TRPS1: variants seen among roughly 807,000 people sequenced by gnomAD.
TRPS1 encodes the protein transcriptional repressor GATA binding 1.
A neutral mutation model predicts 101.2 loss-of-function variants in TRPS1; 6 were observed. The observed-to-expected ratio is 0.06, with a 90% CI of 0.03 to 0.12. The LOEUF is 0.12. Among genes scored for constraint, TRPS1 ranks in the 10% least tolerant of loss-of-function variants. The pLI is 1.00. For synonymous variants in TRPS1, 578 were observed against 589.8 expected, an observed-to-expected ratio of 0.98 and a Z score of 0.29; for missense variants, 1,363 against 1,567.0, an observed-to-expected ratio of 0.87 and a Z score of 2.20.
intron 5 of TRPS1, among the ~76,000 whole-genome samples, chr8:115,478,975 A>G (rs1399613530): frequency 6.7e-6 from 1 of 149,516 alleles, no homozygotes; most frequent in African/African-American, 2.4e-5. Flanking sequence ...GTATATATGT[A>G]TATATATGTA....
chr8:115,572,296 T>C (rs1349933174), intron 5 of TRPS1, among the ~76,000 whole-genome samples: 1 of 152,170 alleles, frequency 6.6e-6, no homozygotes, highest in Admixed American at 6.5e-5. Flanking sequence ...AACTTCTGCT[T>C]AGATTCTCTG....
intron 1 of TRPS1, among the ~76,000 whole-genome samples, chr8:115,666,551 A>T (rs1811926194): frequency 6.6e-6 from 1 of 152,158 alleles, no homozygotes; most frequent in African/African-American, 2.4e-5. Context: ...TTTCATTCTC[A>T]TTTTGTCCAC....
At chr8:115,535,227 T>TGTATAGC (rs1554583773) in intron 5 of TRPS1, among the ~76,000 whole-genome samples, 8 of 118,832 alleles carry the variant, frequency 6.7e-5, no homozygotes, top group African/African-American at 9.6e-5. Flanking sequence ...ATATAGCATA[T>TGTATAGC]ATATATAGCA....
chr8:115,626,667 C>T (rs1436381915), intron 1 of TRPS1, among the ~76,000 whole-genome samples: 1 of 151,726 alleles, frequency 6.6e-6, no homozygotes, highest in East Asian at 1.9e-4. Flanking sequence ...CTTATTAATT[C>T]ACATCAAACT....
chr8:115,600,154 C>T (rs920563778), intron 4 of TRPS1, among the ~76,000 whole-genome samples: 3 of 152,118 alleles, frequency 2.0e-5, no homozygotes, highest in African/African-American at 7.2e-5. Flanking sequence ...AGTGCCTGTT[C>T]ATATAGTCTC....
chr8:115,588,915 C>G (rs968442666), intron 4 of TRPS1, among the ~76,000 whole-genome samples: 2 of 152,152 alleles, frequency 1.3e-5, no homozygotes, highest in Admixed American at 6.5e-5. Context: ...CTTAGAGTCT[C>G]GTCAGGAATG....
rs377537854 is a variant in TRPS1 at position 115,623,202 on chromosome 8, G to T, written c.37+399C>A. Reference sequence around the variant, plus strand: ...AATAGAGCCCTTAATAATATACATTGCAAAGACTGTTAAACTGCTAAAACT... The same window carrying T: ...AATAGAGCCCTTAATAATATACATTTCAAAGACTGTTAAACTGCTAAAACT... On this transcript the variant is annotated intron_variant, in intron 2 of 6. Coordinates refer to ENST00000395715, the MANE Select transcript of TRPS1 (RefSeq NM_014112.5). 2.0e-3 allele frequency among the ~76,000 whole-genome samples: 310 copies of T among 152,030 alleles called. 2 individuals carry two copies. The highest frequency in any genetic ancestry group is 7.3e-3 in the African/African-American group (303 of 41,470).
chr8:115,491,314 T>C (rs1815016227), intron 5 of TRPS1, among the ~76,000 whole-genome samples: 1 of 152,206 alleles, frequency 6.6e-6, no homozygotes, highest in African/African-American at 2.4e-5. Flanking sequence ...TTACATGGGA[T>C]TTAAATTCCA....
chr8:115,612,138 G>A (rs1818183180), intron 3 of TRPS1, among the ~76,000 whole-genome samples: 1 of 91,936 alleles, frequency 1.1e-5, no homozygotes, highest in South Asian at 4.7e-4. Flanking sequence ...AAAGAAGGAG[G>A]ACAGAAGAAA....
Position 115,603,910 on chromosome 8 carries a change from T to A in TRPS1, c.2059A>T (p.Ile687Phe). 6.2e-7 allele frequency: 1 copy of A among 1,614,036 alleles called. No individual in the cohort carries two copies. Among genetic ancestry groups the A allele is most frequent in the South Asian group, 1.1e-5 (1 of 91,086 alleles). The change falls in exon 4 of 7, where the codon ATT becomes TTT. Residue 687 changes from isoleucine to phenylalanine, a missense_variant. Transcript: ENST00000395715. Reference protein sequence around the residue: ...KEHSCTKCDFITQVEEEISRH... With the variant: ...KEHSCTKCDFFTQVEEEISRH... ...GAAATCTCTTCTTCCACTTGGGTAA[T>A]AAAATCACATTTGGTACATGAGTGT...
chr8:115,446,657 T>C (rs1468114750), intron 5 of TRPS1, among the ~76,000 whole-genome samples: 5 of 152,196 alleles, frequency 3.3e-5, no homozygotes, highest in South Asian at 2.1e-4. Context: ...CTACCATGCA[T>C]TCTCGCTCTA....
At chr8:115,578,748 T>G (rs1355815883) in intron 5 of TRPS1, among the ~76,000 whole-genome samples, 1 of 152,144 alleles carries the variant, frequency 6.6e-6, no homozygotes, top group African/African-American at 2.4e-5. Flanking sequence ...ATTTACAGGT[T>G]GGAATTTATG....
chr8:115,465,174 G>A (rs945618344), intron 5 of TRPS1, among the ~76,000 whole-genome samples: 4 of 152,020 alleles, frequency 2.6e-5, no homozygotes, highest in African/African-American at 7.2e-5. Flanking sequence ...GAACACAAAC[G>A]GAAAATTAAA....
intron 5 of TRPS1, among the ~76,000 whole-genome samples, chr8:115,451,491 A>G (rs1439777815): frequency 6.6e-6 from 1 of 152,162 alleles, no homozygotes. Context: ...AAAGAAACAG[A>G]CTGCAAAAAA....
chr8:115,575,612 T>A (rs1454343892), intron 5 of TRPS1, among the ~76,000 whole-genome samples: 1 of 152,060 alleles, frequency 6.6e-6, no homozygotes, highest in Admixed American at 6.6e-5. Context: ...CCAATTTGTT[T>A]CTCCACTTAA....
chr8:115,409,376 TC>T lies in TRPS1; in HGVS notation c.*4646del, dbSNP rs1472085546. On this transcript the variant is annotated 3_prime_UTR_variant, in exon 7 of 7. Coordinates refer to ENST00000395715, the MANE Select transcript of TRPS1 (RefSeq NM_014112.5). ...AACATTATTTCCACGGTAAAGTTAT[TC>T]CTGCTTTTCTCCGGTGTAGGACAGA... 6.6e-6 allele frequency: 1 copy of T among 151,702 alleles called. No homozygotes were observed. Among genetic ancestry groups the T allele is most frequent in the Admixed American group, 6.6e-5 (1 of 15,192 alleles). 9.4% of individuals were successfully genotyped at this position (151,702 alleles called of 1,614,324 possible). A position where few individuals can be genotyped will look rare whatever the true frequency, so the allele number is the denominator to read the frequency against.
rs759871730 is a variant in TRPS1, at chr8:115,587,090, C to A, written c.2611G>T (p.Ala871Ser). 2.5e-6 allele frequency: 4 copies of A among 1,614,028 alleles called. No individual in the cohort carries two copies. The African/African-American group carries it at 5.3e-5, about 22-fold the overall frequency. Residue 871 changes from alanine to serine, a missense_variant, in exon 5 of 7, where the codon GCT (alanine) becomes TCT (serine). Physicochemically the swap from Ala to Ser is moderately conservative, Grantham distance 99 (BLOSUM62 1). This residue lies in a region of TRPS1 where 1,020 missense variants were observed against 1,073.0 expected (regional missense o/e 0.95). Transcript: ENST00000395715. ...AGGGCCCCAGACTTCTCTCCGCCAG[C>A]TGGCGCCCCCTGCAGGAATCCCTTG... ...ETKGFLQGAP[A>S]GGEKSGALPQ...
At chr8:115,512,143 T>C (rs1815601276) in intron 5 of TRPS1, among the ~76,000 whole-genome samples, 1 of 151,754 alleles carries the variant, frequency 6.6e-6, no homozygotes, top group Non-Finnish European at 1.5e-5. Context: ...GCTATAAAAA[T>C]TCTCTCCAAG....
intron 5 of TRPS1, among the ~76,000 whole-genome samples, chr8:115,495,926 G>A (rs1463306713): frequency 2.0e-5 from 3 of 152,168 alleles, no homozygotes; most frequent in Non-Finnish European, 4.4e-5. Context: ...CAAAAAGGGT[G>A]TATCTGGAGT....
Sources: allele counts gnomAD v4.1 joint callset (sites outside exome capture counted in the v4.1 genomes callset), GRCh38; gene constraint gnomAD v4.1.1; regional missense constraint gnomAD v4.1.1; transcripts MANE v1.5; gene names NCBI Gene and HGNC (gene_info 2026-07-23, HGNC 2026-07-21).